Variants in ATG7 observed in about 807,000 individuals in gnomAD.
ATG7 encodes ubiquitin-like modifier-activating enzyme ATG7.
Under a neutral mutation model 82.4 loss-of-function variants are expected in ATG7, and 70 were observed. The observed-to-expected ratio is 0.85, with a 90% confidence interval of 0.70 to 1.04. ATG7 has a LOEUF of 1.04. Among genes scored for constraint, ATG7 ranks in the 50% least tolerant of loss-of-function variants. The pLI is 0.00. For missense variants in ATG7, 792 were observed against 864.3 expected (o/e 0.92, Z 1.05); for synonymous variants, 287 against 313.0 (o/e 0.92, Z 0.88).
intron 1 of ATG7, chr3:11,277,469 G>A (rs1398836537): frequency 6.6e-6 from 1 of 152,410 alleles, no homozygotes; most frequent in African/African-American, 2.4e-5. Context: ...GAAATAAAGA[G>A]AAAGAGTACA....
intron 11 of ATG7, 76 bp from the exon 12 acceptor site, chr3:11,340,569 A>G: frequency 7.6e-7 from 1 of 1,321,876 alleles, no homozygotes; most frequent in Non-Finnish European, 1.1e-6. Context: ...GATCTTTTTT[A>G]TGTAAGGTCG....
intron 19 of ATG7, among the ~76,000 whole-genome samples, chr3:11,388,084 A>C (rs750958648): frequency 2.0e-5 from 3 of 152,154 alleles, no homozygotes; most frequent in Non-Finnish European, 4.4e-5. Context: ...TACCATTCCC[A>C]AGCTCTCCTA....
intron 20 of ATG7, among the ~76,000 whole-genome samples, chr3:11,441,651 T>G (rs2083977690): frequency 7.1e-6 from 1 of 139,888 alleles, no homozygotes. Context: ...CCTTCCCCTT[T>G]CTCCTTTTTT....
At chr3:11,371,380 G>C (rs975104202) in intron 18 of ATG7, among the ~76,000 whole-genome samples, 1 of 151,086 alleles carries the variant, frequency 6.6e-6, no homozygotes, top group South Asian at 2.1e-4. Context: ...CAGCGGAGAA[G>C]GCAGGAATGC....
chr3:11,415,812 T>C (rs1384054760), intron 19 of ATG7, among the ~76,000 whole-genome samples: 1 of 151,932 alleles, frequency 6.6e-6, no homozygotes, highest in Non-Finnish European at 1.5e-5. Context: ...AAAATAATGC[T>C]AACATGTATA....
chr3:11,301,923 G>A (rs1028423232), intron 5 of ATG7, among the ~76,000 whole-genome samples: 1 of 152,164 alleles, frequency 6.6e-6, no homozygotes, highest in Non-Finnish European at 1.5e-5. Flanking sequence ...ACAGAAGTTA[G>A]GTTTGAACTT....
chr3:11,461,500 G>A (rs2086294208), intron 20 of ATG7, among the ~76,000 whole-genome samples: 2 of 152,238 alleles, frequency 1.3e-5, no homozygotes, highest in Middle Eastern at 3.4e-3. Context: ...TCAAAACCTC[G>A]TTTTGCAGGT....
chr3:11,491,305 C>T (rs1440480148), intron 20 of ATG7, among the ~76,000 whole-genome samples: 1 of 152,164 alleles, frequency 6.6e-6, no homozygotes, highest in East Asian at 1.9e-4. Flanking sequence ...GTTCTCAAGC[C>T]TTGGCTTTCA....
intron 19 of ATG7, among the ~76,000 whole-genome samples, chr3:11,411,838 T>G (rs998242178): frequency 9.2e-5 from 14 of 152,224 alleles, no homozygotes; most frequent in African/African-American, 3.4e-4. Flanking sequence ...TCTAAAAGTT[T>G]TATAGTTTTA....
intron 20 of ATG7, among the ~76,000 whole-genome samples, chr3:11,538,869 T>G (rs1174461748): frequency 3.4e-5 from 2 of 58,074 alleles, no homozygotes; most frequent in African/African-American, 7.2e-5. Flanking sequence ...GTGAGACTCT[T>G]GTCTCAAAAA....
At position 11,378,024 on chromosome 3, in the gene ATG7, C is replaced by A. The variant is rs1480333192; in HGVS notation, c.1876-1948C>A. 1.7e-4 allele frequency among the ~76,000 whole-genome samples: 8 copies of A among 48,320 alleles called. 1 individual carries two copies. The highest frequency in any genetic ancestry group is 3.8e-4 in the African/African-American group (3 of 7,832). 31.7% of individuals were successfully genotyped at this position (48,320 alleles called of 152,430 possible). On this transcript the variant is annotated intron_variant, in intron 18 of 20. Coordinates refer to ENST00000693202, the MANE Select transcript of ATG7 (RefSeq NM_001349232.2). The stretch of plus-strand genomic sequence containing the variant: ...GAGGCTATCTAACTTATACCAGTTA[C>A]CAATTTTTTTTTTTTTTTTTTGAGA...
At chr3:11,371,654 C>T (rs1483760416) in intron 18 of ATG7, among the ~76,000 whole-genome samples, 2 of 151,012 alleles carry the variant, frequency 1.3e-5, no homozygotes, top group African/African-American at 4.9e-5. Context: ...AGCCACTGAG[C>T]GAAAACCTCC....
intron 9 of ATG7, among the ~76,000 whole-genome samples, 163 bp from the exon 10 acceptor site, chr3:11,331,177 G>A (rs542455363): frequency 5.3e-5 from 8 of 152,292 alleles, no homozygotes; most frequent in African/African-American, 1.7e-4. Context: ...AGTGCAGTGT[G>A]AGATCCTGTG....
chr3:11,485,897 C>G (rs201617539), intron 20 of ATG7, among the ~76,000 whole-genome samples: 78,682 of 151,068 alleles, frequency 0.52, 21,368 homozygotes, highest in East Asian at 0.66. Context: ...TTCCATTGAT[C>G]TATATCTCTG....
At chr3:11,481,258 C>A (rs1176756817) in intron 20 of ATG7, among the ~76,000 whole-genome samples, 1 of 152,206 alleles carries the variant, frequency 6.6e-6, no homozygotes, top group African/African-American at 2.4e-5. Flanking sequence ...GGTTGCACAA[C>A]AGTGTGAATG....
intron 20 of ATG7, among the ~76,000 whole-genome samples, chr3:11,489,184 T>C (rs9682814): frequency 0.53 from 80,645 of 152,058 alleles, 22,060 homozygotes; most frequent in East Asian, 0.66. Context: ...TTCCCAGCTG[T>C]ATGCTGGGAG....
intron 1 of ATG7, among the ~76,000 whole-genome samples, chr3:11,274,777 G>C: frequency 6.6e-6 from 1 of 152,056 alleles, no homozygotes; most frequent in Non-Finnish European, 1.5e-5. Context: ...AAAACTGTAC[G>C]AGGTGATATG....
rs4684789 is a variant in ATG7 at position 11,555,613 on chromosome 3, G to T, written c.*770G>T. 59,465 of 151,754 alleles carry T rather than the reference G, an allele frequency of 0.39. 12,414 individuals carry two copies. Among genetic ancestry groups the T allele is most frequent in the African/African-American group, 0.54 (22,114 of 41,318 alleles). The allele number at this position is 151,754 out of a possible 1,614,324, so 9.4% of individuals were successfully genotyped here. A position where few individuals can be genotyped will look rare whatever the true frequency, so the allele number is the denominator to read the frequency against. On this transcript the variant is annotated 3_prime_UTR_variant, in exon 21 of 21. Coordinates refer to ENST00000693202, the MANE Select transcript of ATG7 (RefSeq NM_001349232.2). The stretch of plus-strand genomic sequence containing the variant: ...GGGCTCCTCCCTGCCCTTATGAGCA[G>T]GCCAGGCCCAGAAAGGCCGAGCCTG...
At chr3:11,425,280 A>C (rs1164262883) in intron 19 of ATG7, among the ~76,000 whole-genome samples, 2 of 152,172 alleles carry the variant, frequency 1.3e-5, no homozygotes, top group African/African-American at 4.8e-5. Flanking sequence ...GTGTTTCAGT[A>C]AGCATCCTTA....
Sources: gnomAD v4.1 joint callset for allele counts (sites outside exome capture counted in the v4.1 genomes callset) on GRCh38, gnomAD v4.1.1 for gene constraint, MANE v1.5 for transcripts, NCBI Gene and HGNC (gene_info 2026-07-23, HGNC 2026-07-21) for gene names.